The following TXNDC8 variants were observed in gnomAD, a reference collection of about 807,000 sequenced individuals.
TXNDC8 encodes thioredoxin domain-containing protein 8.
In TXNDC8, 15 loss-of-function variants were observed where a neutral mutation model predicts 12.9. The ratio of observed to expected loss-of-function variants is 1.16; its 90% confidence interval spans 0.78 to 1.79. The LOEUF (loss-of-function observed/expected upper bound fraction) is 1.79. TXNDC8 is among the 40% of genes most tolerant of loss of function. The probability of loss-of-function intolerance (pLI) is 0.00; values close to 1 mark genes in which losing one functional copy is unlikely to be tolerated. For synonymous variants in TXNDC8, 40 were observed against 35.4 expected (o/e 1.13, Z -0.46); for missense variants, 128 against 113.2 (o/e 1.13, Z -0.59).
chr9:110,307,041 A>C (rs1052713409), intron 3 of TXNDC8, among the ~76,000 whole-genome samples: 1 of 151,832 alleles, frequency 6.6e-6, no homozygotes, highest in African/African-American at 2.4e-5. Flanking sequence ...CCCAGGGCTC[A>C]AGTGATCCTC....
In TXNDC8 at chr9:110,326,215, T is replaced by C. The variant is rs1839311608; in HGVS notation, c.155A>G (p.Lys52Arg). The change falls in exon 3 of 5, where the codon AAA becomes AGA. Residue 52 changes from lysine (K) to arginine (R), a missense_variant. Transcript: ENST00000423740. ...GAACATCTGAAATGTGGGTATTGTT[T>C]TGATGTGACAAGTTTCAGCCAGCTC... is the stretch of plus-strand genomic sequence containing the variant. The C allele has an allele frequency of 3.1e-6, 5 of 1,614,082 alleles. No homozygotes were observed. The highest frequency in any genetic ancestry group is 4.2e-6 in the Non-Finnish European group (5 of 1,179,986).
At chr9:110,309,877 A>G (rs948567389) in intron 3 of TXNDC8, among the ~76,000 whole-genome samples, 5 of 152,156 alleles carry the variant, frequency 3.3e-5, no homozygotes, top group Non-Finnish European at 7.3e-5. Flanking sequence ...GAAACCAATA[A>G]TCTAAGTTCC....
intron 2 of TXNDC8, among the ~76,000 whole-genome samples, chr9:110,330,210 G>A (rs1023874365): frequency 6.6e-6 from 1 of 152,160 alleles, no homozygotes; most frequent in African/African-American, 2.4e-5. Context: ...ACTCTAAAAT[G>A]TTTCCTGAAT....
chr9:110,318,489 C>A (rs1838966221), intron 3 of TXNDC8, among the ~76,000 whole-genome samples: 5 of 152,152 alleles, frequency 3.3e-5, no homozygotes, highest in Admixed American at 2.0e-4. Context: ...GTAATCCCAG[C>A]CCTTTGGGAG....
chr9:110,320,815 T>C (rs1839062066), intron 3 of TXNDC8, among the ~76,000 whole-genome samples: 1 of 152,230 alleles, frequency 6.6e-6, no homozygotes, highest in Admixed American at 6.5e-5. Flanking sequence ...ACAGGAATGA[T>C]CTTATTCACC....
chr9:110,322,975 A>C, intron 3 of TXNDC8: 1 of 985,426 alleles, frequency 1.0e-6, no homozygotes, highest in Non-Finnish European at 1.2e-6. Context: ...TTAAACAGAG[A>C]AAGGCTTGGA....
chr9:110,310,476 A>G (rs1838624070), intron 3 of TXNDC8, among the ~76,000 whole-genome samples: 1 of 152,198 alleles, frequency 6.6e-6, no homozygotes, highest in Admixed American at 6.5e-5. Flanking sequence ...AATAGAGTCT[A>G]TGAATCTACA....
chr9:110,324,009 A>T, intron 3 of TXNDC8: 1 of 1,549,366 alleles, frequency 6.5e-7, no homozygotes, highest in Non-Finnish European at 8.7e-7. Flanking sequence ...GCCCTAAGGA[A>T]GTACATGGGA....
rs1564093141 is a variant in TXNDC8 at position 110,305,788 on chromosome 9, CTTTCTTTTCTTTTCTTTT to C, written c.196-1274_196-1257del. Among the ~76,000 whole-genome samples the C allele has an allele frequency of 3.3e-5, 3 of 90,614 alleles. No homozygotes were observed. In the East Asian group the frequency reaches 1.5e-3, roughly 46 times the overall value. 59.4% of individuals were successfully genotyped at this position (90,614 alleles called of 152,430 possible). A position where few individuals can be genotyped will look rare whatever the true frequency, so the allele number is the denominator to read the frequency against. Reference sequence around the variant, plus strand: ...CCTTTCTTTTCTTTTCTTTTCTTTTCTTTCTTTTCTTTTCTTTTCTTTCCTTTCCTTTCCTTTCCTTTC... The same window carrying C: ...CCTTTCTTTTCTTTTCTTTTCTTTTCCTTTCCTTTCCTTTCCTTTCCTTTC... On this transcript the variant is annotated intron_variant, in intron 3 of 4. Transcript: ENST00000423740.
chr9:110,305,580 TTC>T (rs1177016471), intron 3 of TXNDC8, among the ~76,000 whole-genome samples: 1 of 141,844 alleles, frequency 7.1e-6, no homozygotes, highest in Admixed American at 6.9e-5. Context: ...CTTTCTTTCT[TTC>T]TTTCTTTCTT....
At chr9:110,328,878 A>G (rs941285013) in intron 2 of TXNDC8, among the ~76,000 whole-genome samples, 2 of 152,178 alleles carry the variant, frequency 1.3e-5, no homozygotes, top group Admixed American at 6.5e-5. Context: ...CTTGAGCTCA[A>G]CTTTAACAGA....
At chr9:110,326,907 T>G (rs1016116920) in intron 2 of TXNDC8, among the ~76,000 whole-genome samples, 2 of 149,492 alleles carry the variant, frequency 1.3e-5, no homozygotes, top group Non-Finnish European at 3.0e-5. Context: ...CCAATCATTT[T>G]GTTGGCATTA....
Position 110,322,286 on chromosome 9 carries a change from T to C in TXNDC8, c.195+3889A>G, listed in dbSNP as rs1371454822. Among the ~76,000 whole-genome samples the C allele has an allele frequency of 3.3e-5, 5 of 152,294 alleles. No individual in the cohort carries two copies. In the East Asian group the frequency reaches 9.6e-4, roughly 29 times the overall value. ...TCTTGAGATATGAGTATCCACATTATAATCAGAGGCTTGTTGGGTGACCCT... is the reference window on the plus strand; with the variant it reads ...TCTTGAGATATGAGTATCCACATTACAATCAGAGGCTTGTTGGGTGACCCT... On this transcript the variant is annotated intron_variant, in intron 3 of 4. Coordinates refer to ENST00000423740, the MANE Select transcript of TXNDC8 (RefSeq NM_001286946.2).
At chr9:110,304,664 C>T (rs898484455) in intron 3 of TXNDC8, 132 bp from the exon 5 acceptor site, 8 of 765,116 alleles carry the variant, frequency 1.0e-5, no homozygotes, top group Non-Finnish European at 1.6e-5. Context: ...TTTCTCTTTG[C>T]TAAGAGTTAG....
At chr9:110,320,958 T>G (rs1839070769) in intron 3 of TXNDC8, among the ~76,000 whole-genome samples, 1 of 152,244 alleles carries the variant, frequency 6.6e-6, no homozygotes, top group African/African-American at 2.4e-5. Context: ...AACTAGGACA[T>G]AACTTCAGCC....
intron 2 of TXNDC8, 68 bp from the exon 3 acceptor site, chr9:110,329,359 CT>C: frequency 7.9e-7 from 1 of 1,272,502 alleles, no homozygotes; most frequent in Non-Finnish European, 1.1e-6. Flanking sequence ...CTGGAAGTGT[CT>C]TTTCAGTAGA....
At chr9:110,315,519 T>A (rs1838850165) in intron 3 of TXNDC8, among the ~76,000 whole-genome samples, 3 of 152,048 alleles carry the variant, frequency 2.0e-5, no homozygotes, top group Admixed American at 2.0e-4. Context: ...CTTCCAAGAG[T>A]ACCAATTAGA....
At chr9:110,307,068 A>G (rs143668447) in intron 3 of TXNDC8, among the ~76,000 whole-genome samples, 46 of 151,486 alleles carry the variant, frequency 3.0e-4, no homozygotes, top group African/African-American at 1.0e-3. Context: ...CAGCTTCCTG[A>G]ATAGCTAGGA....
At chr9:110,320,180 T>C (rs1055789020) in intron 3 of TXNDC8, among the ~76,000 whole-genome samples, 1 of 152,200 alleles carries the variant, frequency 6.6e-6, no homozygotes, top group Admixed American at 6.5e-5. Context: ...CCCTACTCCA[T>C]AGACATACAC....
Sources: gnomAD v4.1 joint callset for allele counts (sites outside exome capture counted in the v4.1 genomes callset) on GRCh38, gnomAD v4.1.1 for gene constraint, MANE v1.5 for transcripts, NCBI Gene and HGNC (gene_info 2026-07-23, HGNC 2026-07-21) for gene names.